BAIAP3: variants seen among roughly 807,000 people sequenced by gnomAD.
BAIAP3 encodes BAI1-associated protein 3.
In BAIAP3, 180 loss-of-function variants were observed where a neutral mutation model predicts 149.7. The ratio of observed to expected loss-of-function variants is 1.20; its 90% CI spans 1.07 to 1.36. The LOEUF (loss-of-function observed/expected upper bound fraction) is 1.36. BAIAP3 is among the 40% of genes most tolerant of loss of function. The pLI is 0.00. For synonymous variants in BAIAP3, 845 were observed against 670.7 expected (o/e 1.26, Z -4.02); for missense variants, 1,767 against 1,563.4 (o/e 1.13, Z -2.20).
chr16:1,341,266 C>A, intron 7 of BAIAP3, 28 bp from the exon 8 acceptor site: 1 of 1,606,382 alleles, frequency 6.2e-7, no homozygotes, highest in African/African-American at 1.3e-5. Context: ...GGGCGTGGGG[C>A]CAGGGCTGAG....
chr16:1,342,743 G>A lies in BAIAP3; in HGVS notation c.1090G>A (p.Gly364Arg), dbSNP rs150153383. 59 of 1,612,364 alleles carry A rather than the reference G, an allele frequency of 3.7e-5. No homozygotes were observed. Among genetic ancestry groups the A allele is most frequent in the Non-Finnish European group, 4.9e-5 (58 of 1,180,004 alleles). The part of the protein sequence containing the change: ...TQRDTAMSQR[G>R]RSGFLSHLLL... ...GAGGGATACGGCCATGAGCCAGCGC[G>A]GGCGATCCGGCTTCCTGTCCCACCT... is the stretch of plus-strand genomic sequence containing the variant. The change falls in exon 13 of 34, where the codon GGG (glycine) becomes AGG (arginine). Residue 364 changes from glycine to arginine, a missense_variant. By Grantham distance (125) the Gly-to-Arg change is moderately radical. Coordinates refer to ENST00000426824, the MANE Select transcript of BAIAP3 (RefSeq NM_001199097.2).
In BAIAP3 at chr16:1,349,182, C is replaced by T. The variant is rs907294085; in HGVS notation, c.*700C>T. On this transcript the variant is annotated 3_prime_UTR_variant, in exon 34 of 34. Coordinates refer to ENST00000426824, the MANE Select transcript of BAIAP3 (RefSeq NM_001199097.2). ...GCTCCACGACCCTTCCAGGCAGAGC[C>T]GAGAGTTCGCCCCAACCCTTCCCCA... 14 of 537,638 alleles carry T rather than the reference C, an allele frequency of 2.6e-5. No individual in the cohort carries two copies. Among genetic ancestry groups the T allele is most frequent in the Admixed American group, 1.6e-4 (5 of 30,886 alleles). 33.3% of individuals were successfully genotyped at this position (537,638 alleles called of 1,614,324 possible).
chr16:1,342,712 G>C lies in BAIAP3; in HGVS notation c.1066-7G>C. The C allele has an allele frequency of 2.5e-6, 4 of 1,612,288 alleles. No homozygotes were observed. The highest frequency in any genetic ancestry group is 2.2e-5 in the East Asian group (1 of 44,880). On this transcript the variant is annotated splice_region_variant and splice_polypyrimidine_tract_variant and intron_variant, in intron 12 of 33. Transcript: ENST00000426824. Reference sequence around the variant, plus strand: ...GAGCTGGTGACTGGGTGGGCTCTGCGTTGCAGAGGGATACGGCCATGAGCC... The same window carrying C: ...GAGCTGGTGACTGGGTGGGCTCTGCCTTGCAGAGGGATACGGCCATGAGCC...
At chr16:1,335,790 C>T (rs553514431) in intron 1 of BAIAP3, among the ~76,000 whole-genome samples, 1 of 152,190 alleles carries the variant, frequency 6.6e-6, no homozygotes, top group African/African-American at 2.4e-5. Context: ...CAGTTGGGGT[C>T]AGGGGGGCTG....
In BAIAP3 at chr16:1,344,801, C is replaced by T. The variant is rs377701660; in HGVS notation, c.1761C>T (p.Ile587=). 1 of 1,613,848 alleles carries T rather than the reference C, an allele frequency of 6.2e-7. No individual in the cohort carries two copies. The highest frequency in any genetic ancestry group is 1.3e-5 in the African/African-American group (1 of 75,046). The change falls in exon 20 of 34, where the codon ATC becomes ATT. Residue 587 remains isoleucine (I), a synonymous_variant. Coordinates refer to ENST00000426824, the MANE Select transcript of BAIAP3 (RefSeq NM_001199097.2). ...YSVYASLFHS[I]LNVDVFTLTF... ...AGGTGTGTCCCTTGCTCTGCAGCAT[C>T]CTCAATGTGGACGTCTTCACCCTGA...
In BAIAP3 at chr16:1,345,307, C is replaced by A; in HGVS notation, c.1999C>A (p.Leu667Ile). The A allele has an allele frequency of 6.2e-7, 1 of 1,613,192 alleles. No homozygotes were observed. Among genetic ancestry groups the A allele is most frequent in the Non-Finnish European group, 8.5e-7 (1 of 1,179,936 alleles). ...CGCCCCCTTCCTGCCTGCTGTGAAG[C>A]TCTGGTTCCAAGTGCTGAGGGACCA... ...IHAPFLPAVK[L>I]WFQVLRDQAK... Residue 667 changes from leucine to isoleucine, a missense_variant, in exon 22 of 34, where the codon CTC (leucine) becomes ATC (isoleucine). Leu to Ile is a conservative substitution (Grantham distance 5, BLOSUM62 2). Coordinates refer to ENST00000426824, the MANE Select transcript of BAIAP3 (RefSeq NM_001199097.2).
At chr16:1,333,804 C>T (rs1444395111) in intron 1 of BAIAP3, 55 bp downstream of exon 1, 1 of 152,030 alleles carries the variant, frequency 6.6e-6, no homozygotes, top group South Asian at 2.1e-4. Flanking sequence ...GGCTCGGCCC[C>T]GCGCCCCAAC....
At chr16:1,348,330 G>A (rs1458028325) in intron 33 of BAIAP3, 29 bp downstream of exon 33, 6 of 1,603,926 alleles carry the variant, frequency 3.7e-6, no homozygotes, top group South Asian at 2.2e-5. Context: ...GGAGGCAGGG[G>A]CAGCGGGCCT....
In BAIAP3 at chr16:1,340,946, C is replaced by A. The variant is rs750494978; in HGVS notation, c.433C>A (p.His145Asn). Residue 145 changes from histidine to asparagine, a missense_variant, in exon 6 of 34, where the codon CAC (histidine) becomes AAC (asparagine). Physicochemically the swap from His to Asn is moderately conservative, Grantham distance 68 (BLOSUM62 1). Coordinates refer to ENST00000426824, the MANE Select transcript of BAIAP3 (RefSeq NM_001199097.2). ...QQVFGTSLEE[H>N]TEAIERVRKA... ...GGTGTTTGGCACCAGCCTTGAGGAG[C>A]ACACTGAGGCCATCGAGCGAGTGAG... 10 of 1,581,756 alleles carry A rather than the reference C, an allele frequency of 6.3e-6. No individual in the cohort carries two copies. Among genetic ancestry groups the A allele is most frequent in the Non-Finnish European group, 8.6e-6 (10 of 1,164,302 alleles).
At chr16:1,337,869 GC>G (rs1292416204) in intron 1 of BAIAP3, among the ~76,000 whole-genome samples, 2 of 152,258 alleles carry the variant, frequency 1.3e-5, no homozygotes, top group East Asian at 1.9e-4. Flanking sequence ...TGGGGACACT[GC>G]CCCCCACCTT....
Position 1,341,480 on chromosome 16 carries a change from A to T in BAIAP3, c.722A>T (p.His241Leu). ...SSTLNPVWKEHFLFEIEDVST... is the reference protein window; with the variant it reads ...SSTLNPVWKELFLFEIEDVST... ...ACCCTGAACCCCGTCTGGAAGGAGC[A>T]CTTCCTCTTGTGAGGCCCTCGCCCG... Residue 241 changes from histidine to leucine, a missense_variant, in exon 8 of 34, where the codon CAC (histidine) becomes CTC (leucine). Physicochemically the swap from His to Leu is moderately conservative, Grantham distance 99 (BLOSUM62 -3). Coordinates refer to ENST00000426824, the MANE Select transcript of BAIAP3 (RefSeq NM_001199097.2). The T allele has an allele frequency of 6.2e-7, 1 of 1,609,022 alleles. No individual in the cohort carries two copies. The highest frequency in any genetic ancestry group is 8.5e-7 in the Non-Finnish European group (1 of 1,177,278).
chr16:1,345,756 G>A lies in BAIAP3; in HGVS notation c.2074G>A (p.Val692Met), dbSNP rs763266737. The A allele has an allele frequency of 1.5e-5, 22 of 1,420,826 alleles. No individual in the cohort carries two copies. The highest frequency in any genetic ancestry group is 4.8e-5 in the South Asian group (4 of 82,678). The allele number at this position is 1,420,826 out of a possible 1,614,324, so 88.0% of individuals were successfully genotyped here. A position where few individuals can be genotyped will look rare whatever the true frequency, so the allele number is the denominator to read the frequency against. Residue 692 changes from valine to methionine, a missense_variant, in exon 23 of 34, where the codon GTG becomes ATG. Val to Met is a conservative substitution (Grantham distance 21). Transcript: ENST00000426824. ...GAVDMDTLEP[V>M]DASSRHSSSA... ...TCCCCTGCCTCCCTAGCTGGAGCCCGTGGACGCCTCCTCCAGGCACAGCAG... is the reference window on the plus strand; with the variant it reads ...TCCCCTGCCTCCCTAGCTGGAGCCCATGGACGCCTCCTCCAGGCACAGCAG...
chr16:1,344,653 A>AT lies in BAIAP3; in HGVS notation c.1713dup (p.Asp572Ter). ...GTTGTGCTGGCTGACGCCGTCTATG[A>AT]TGACCTTCAGTTCTGCTACAGTGTG... On this transcript the variant is annotated frameshift_variant, in exon 19 of 34. Coordinates refer to ENST00000426824, the MANE Select transcript of BAIAP3 (RefSeq NM_001199097.2). LOFTEE classifies it high-confidence loss of function. The AT allele has an allele frequency of 6.2e-7, 1 of 1,613,394 alleles. No individual in the cohort carries two copies. Among genetic ancestry groups the AT allele is most frequent in the Non-Finnish European group, 8.5e-7 (1 of 1,180,016 alleles).
chr16:1,341,620 G>A (rs2033933997), intron 8 of BAIAP3, 131 bp downstream of exon 8: 1 of 1,308,482 alleles, frequency 7.6e-7, no homozygotes, highest in African/African-American at 1.5e-5. Context: ...TTCCAGAGGA[G>A]AAAACTGAGG....
chr16:1,337,742 A>C (rs1320417448), intron 1 of BAIAP3, among the ~76,000 whole-genome samples: 3 of 152,138 alleles, frequency 2.0e-5, no homozygotes, highest in African/African-American at 7.2e-5. Context: ...CATGAGGGGA[A>C]CTGACGCTGG....
rs750982763 is a variant in BAIAP3, at chr16:1,344,016, C to T, written c.1387-6C>T. The T allele has an allele frequency of 6.2e-7, 1 of 1,611,944 alleles. No individual in the cohort carries two copies. Among genetic ancestry groups the T allele is most frequent in the African/African-American group, 1.3e-5 (1 of 74,918 alleles). On this transcript the variant is annotated splice_region_variant and splice_polypyrimidine_tract_variant and intron_variant, in intron 15 of 33. Coordinates refer to ENST00000426824, the MANE Select transcript of BAIAP3 (RefSeq NM_001199097.2). ...CTGCTGGCACTGAAGGGCCCTGTCCCCACAGGAGGAGAGCCTGGCTGATAG... is the reference window on the plus strand; with the variant it reads ...CTGCTGGCACTGAAGGGCCCTGTCCTCACAGGAGGAGAGCCTGGCTGATAG...
intron 4 of BAIAP3, 64 bp from the exon 5 acceptor site, chr16:1,339,432 G>A: frequency 1.3e-6 from 2 of 1,527,594 alleles, no homozygotes; most frequent in Non-Finnish European, 1.8e-6. Flanking sequence ...AGGCAGACAG[G>A]AGGTGCTGCT....
At chr16:1,336,091 G>C (rs541298061) in intron 1 of BAIAP3, 56 of 438,868 alleles carry the variant, frequency 1.3e-4, no homozygotes, top group Non-Finnish European at 1.0e-4. Flanking sequence ...CAGGCCACTT[G>C]GCTCCTGCGT....
intron 1 of BAIAP3, among the ~76,000 whole-genome samples, chr16:1,338,164 G>A (rs1190476708): frequency 6.6e-6 from 1 of 152,160 alleles, no homozygotes; most frequent in Non-Finnish European, 1.5e-5. Context: ...CAGGAAACAG[G>A]CGCCTCCTGC....
Sources: gnomAD v4.1 joint callset for allele counts (sites outside exome capture counted in the v4.1 genomes callset) on GRCh38, gnomAD v4.1.1 for gene constraint, MANE v1.5 for transcripts, NCBI Gene and HGNC (gene_info 2026-07-23, HGNC 2026-07-21) for gene names.